Variants in USP46 observed in about 807,000 individuals in gnomAD.
USP46 encodes the protein ubiquitin carboxyl-terminal hydrolase 46.
USP46 carries 12 observed loss-of-function variants against 44.4 expected under a neutral mutation model. The ratio of observed to expected loss-of-function variants is 0.27; its 90% CI spans 0.17 to 0.44. The LOEUF is 0.44. Ranked by LOEUF, USP46 falls within the 20% of genes least tolerant of loss-of-function variation. The pLI, the probability that USP46 is intolerant of heterozygous loss-of-function variation, is 1.00. For missense variants in USP46, 248 were observed against 444.8 expected (o/e 0.56, Z 3.98); for synonymous variants, 155 against 161.5 (o/e 0.96, Z 0.31).
At chr4:52,630,084 T>A (rs953128944) in intron 2 of USP46, among the ~76,000 whole-genome samples, 4 of 152,230 alleles carry the variant, frequency 2.6e-5, no homozygotes, top group African/African-American at 9.6e-5. Context: ...TAATATTTGA[T>A]GTCACTTAAC....
rs1388305905 is a variant in USP46, at chr4:52,595,458, T to G, written c.*2182A>C. On this transcript the variant is annotated 3_prime_UTR_variant, in exon 9 of 9. Coordinates refer to ENST00000441222, the MANE Select transcript of USP46 (RefSeq NM_022832.4). ...CCTGCACCATACAACTGTTTTAATG[T>G]GTTTGCAATATTTTCTTATACTTAC... 1.3e-5 allele frequency: 2 copies of G among 152,614 alleles called. No individual in the cohort carries two copies. Among genetic ancestry groups the G allele is most frequent in the African/African-American group, 4.8e-5 (2 of 41,460 alleles). The allele number at this position is 152,614 out of a possible 1,614,324, so 9.5% of individuals were successfully genotyped here.
chr4:52,601,983 T>C lies in USP46; in HGVS notation c.794A>G (p.His265Arg), dbSNP rs1418683053. The C allele has an allele frequency of 3.3e-5, 54 of 1,613,878 alleles. No individual in the cohort carries two copies. The highest frequency in any genetic ancestry group is 4.5e-5 in the Non-Finnish European group (53 of 1,179,882). The stretch of plus-strand genomic sequence containing the variant: ...ACGGTAAGACAGCTTGGTGTATCTG[T>C]GCAGCTGCTCCATGTACTTGAACCG... ...LKRFKYMEQL[H>R]RYTKLSYRVV... The change falls in exon 7 of 9, where the codon CAC becomes CGC. Residue 265 changes from histidine (H) to arginine (R), a missense_variant. Physicochemically the swap from His to Arg is conservative, Grantham distance 29. Around this residue, in one of 5 missense-constraint regions of USP46, gnomAD observed 98 missense variants for 218.2 expected, o/e 0.45. Transcript: ENST00000441222.
At chr4:52,621,446 A>G (rs1344369157) in intron 4 of USP46, among the ~76,000 whole-genome samples, 1 of 152,176 alleles carries the variant, frequency 6.6e-6, no homozygotes, top group Non-Finnish European at 1.5e-5. Flanking sequence ...ACCTGAGGTC[A>G]GGTGTTCAAG....
chr4:52,638,157 A>C (rs1028186044), intron 1 of USP46, among the ~76,000 whole-genome samples: 1 of 152,200 alleles, frequency 6.6e-6, no homozygotes, highest in Non-Finnish European at 1.5e-5. Context: ...ATTATCTTGG[A>C]TTATCCCAGG....
chr4:52,657,418 T>C (rs1257326294), intron 1 of USP46, among the ~76,000 whole-genome samples: 1 of 152,120 alleles, frequency 6.6e-6, no homozygotes, highest in African/African-American at 2.4e-5. Context: ...TCTAGGGGCA[T>C]GCTAGCTCTC....
chr4:52,648,311 G>GC (rs1718630555), intron 1 of USP46, among the ~76,000 whole-genome samples: 1 of 152,188 alleles, frequency 6.6e-6, no homozygotes, highest in East Asian at 1.9e-4. Flanking sequence ...CAAACTATGG[G>GC]CCATGAATCC....
Position 52,594,861 on chromosome 4 carries a change from TC to T in USP46, c.*2778del, listed in dbSNP as rs1364330230. 5 of 152,196 alleles carry T rather than the reference TC, an allele frequency of 3.3e-5. No individual in the cohort carries two copies. The highest frequency in any genetic ancestry group is 2.6e-4 in the Admixed American group (4 of 15,274). The allele number at this position is 152,196 out of a possible 1,614,324, so 9.4% of individuals were successfully genotyped here. The stretch of plus-strand genomic sequence containing the variant: ...GCCCTGCTTGTGTTGTGCCTCACTC[TC>T]TTTAGACCAGTCCATTTCCTATGAC... On this transcript the variant is annotated 3_prime_UTR_variant, in exon 9 of 9. Coordinates refer to ENST00000441222, the MANE Select transcript of USP46 (RefSeq NM_022832.4).
At chr4:52,651,968 A>G (rs1437169324) in intron 1 of USP46, among the ~76,000 whole-genome samples, 1 of 151,828 alleles carries the variant, frequency 6.6e-6, no homozygotes, top group Non-Finnish European at 1.5e-5. Context: ...ATCCATCCCT[A>G]CCTTTCATGA....
chr4:52,632,976 GAAAGA>G (rs1717936852), intron 1 of USP46, among the ~76,000 whole-genome samples: 1 of 76,732 alleles, frequency 1.3e-5, no homozygotes, highest in African/African-American at 6.5e-5. Flanking sequence ...AAGAAAGAAA[GAAAGA>G]AAGAAAAGAA....
intron 4 of USP46, among the ~76,000 whole-genome samples, chr4:52,612,799 T>A (rs570277629): frequency 6.6e-6 from 1 of 152,336 alleles, no homozygotes; most frequent in African/African-American, 2.4e-5. Flanking sequence ...TGAGTTATAA[T>A]AACAAATGAT....
intron 1 of USP46, among the ~76,000 whole-genome samples, chr4:52,632,893 A>G (rs1359309528): frequency 7.1e-6 from 1 of 141,512 alleles, no homozygotes; most frequent in Non-Finnish European, 1.5e-5. Context: ...GAAGGAAGGA[A>G]GGAAGGGAAA....
chr4:52,600,100 T>G (rs554914974), intron 7 of USP46, among the ~76,000 whole-genome samples: 6 of 152,208 alleles, frequency 3.9e-5, no homozygotes, highest in Non-Finnish European at 5.9e-5. Flanking sequence ...GGTTTGTTTT[T>G]GGGGGTAGCA....
At chr4:52,632,957 AAAG>A (rs1560405903) in intron 1 of USP46, among the ~76,000 whole-genome samples, 30 of 78,654 alleles carry the variant, frequency 3.8e-4, no homozygotes, top group African/African-American at 1.7e-3. Flanking sequence ...AGAAAGAAAG[AAAG>A]AAAGAAAGAA....
chr4:52,631,203 A>C, intron 1 of USP46, 59 bp from the exon 2 acceptor site: 1 of 1,366,504 alleles, frequency 7.3e-7, no homozygotes, highest in Non-Finnish European at 1.0e-6. Context: ...AAGTAAAATC[A>C]TACCTAAAAG....
chr4:52,610,068 G>A (rs1043041651), intron 5 of USP46, among the ~76,000 whole-genome samples: 3 of 149,350 alleles, frequency 2.0e-5, no homozygotes, highest in Non-Finnish European at 3.0e-5. Context: ...TGGGACTACA[G>A]GCGCGCGCCA....
At chr4:52,613,050 T>G (rs1716993025) in intron 4 of USP46, among the ~76,000 whole-genome samples, 2 of 152,112 alleles carry the variant, frequency 1.3e-5, no homozygotes, top group South Asian at 4.1e-4. Flanking sequence ...CTGAAGGCAC[T>G]GGAGAGTGAA....
intron 1 of USP46, chr4:52,658,407 C>T (rs1299365560): frequency 1.3e-5 from 5 of 385,028 alleles, no homozygotes; most frequent in Non-Finnish European, 2.1e-5. Flanking sequence ...TCCCCTAGGT[C>T]TACAGCGGAT....
chr4:52,655,728 A>G (rs756166090), intron 1 of USP46, among the ~76,000 whole-genome samples: 1 of 152,342 alleles, frequency 6.6e-6, no homozygotes, highest in Admixed American at 6.5e-5. Flanking sequence ...AAGCTTTACT[A>G]TCTCTGAACC....
In USP46 at chr4:52,659,215, G is replaced by T; in HGVS notation, c.-65C>A. ...CAAGGGGAAACCGGGACTGCCCATG[G>T]TGGCGCGCTGGCGGGGAGGCCGGGC... On this transcript the variant is annotated 5_prime_UTR_variant, in exon 1 of 9. Transcript: ENST00000441222. This position sits in a 1 kb window ranked among gnomAD's most constrained non-coding sequence, Gnocchi z 4.2. 1 of 1,463,510 alleles carries T rather than the reference G, an allele frequency of 6.8e-7. No individual in the cohort carries two copies. The highest frequency in any genetic ancestry group is 1.5e-5 in the African/African-American group (1 of 68,278). 90.7% of individuals were successfully genotyped at this position (1,463,510 alleles called of 1,614,324 possible).
Sources: allele counts gnomAD v4.1 joint callset (sites outside exome capture counted in the v4.1 genomes callset), GRCh38; gene constraint gnomAD v4.1.1; regional missense constraint gnomAD v4.1.1; non-coding constraint Gnocchi (gnomAD v3.1); transcripts MANE v1.5; gene names NCBI Gene and HGNC (gene_info 2026-07-23, HGNC 2026-07-21).